The following OR9Q1 variants were observed in gnomAD, a reference collection of about 807,000 sequenced individuals.
OR9Q1 encodes olfactory receptor 9Q1.
For synonymous variants in OR9Q1, 153 were observed against 148.6 expected (o/e 1.03, Z -0.22); for missense variants, 374 against 378.8 (o/e 0.99, Z 0.11).
chr11:58,120,261 C>T (rs185184349), intron 2 of OR9Q1, among the ~76,000 whole-genome samples: 6 of 152,168 alleles, frequency 3.9e-5, no homozygotes, highest in Non-Finnish European at 8.8e-5. Context: ...AGTTAACTAA[C>T]CCCTTTGTGC....
intron 1 of OR9Q1, among the ~76,000 whole-genome samples, chr11:58,042,565 G>A (rs1230311902): frequency 6.6e-6 from 1 of 150,428 alleles, no homozygotes; most frequent in Non-Finnish European, 1.5e-5. Context: ...AGTATAGTTT[G>A]AAGTCAGGTA....
intron 2 of OR9Q1, among the ~76,000 whole-genome samples, chr11:58,096,330 G>T (rs1333433530): frequency 6.6e-6 from 1 of 151,946 alleles, no homozygotes; most frequent in Non-Finnish European, 1.5e-5. Flanking sequence ...AACTATTAAA[G>T]ATTTCTGCAC....
At chr11:58,154,379 ATTTTT>A (rs3085835) in intron 2 of OR9Q1, among the ~76,000 whole-genome samples, 1 of 140,954 alleles carries the variant, frequency 7.1e-6, no homozygotes, top group African/African-American at 2.6e-5. Context: ...AATGCAATGG[ATTTTT>A]TTTTTTTTTT....
At chr11:58,092,418 T>C (rs968211900) in intron 2 of OR9Q1, among the ~76,000 whole-genome samples, 25 of 152,170 alleles carry the variant, frequency 1.6e-4, no homozygotes, top group African/African-American at 5.5e-4. Context: ...AGAATGTTTT[T>C]CATTAATTTT....
chr11:58,075,403 A>G (rs567069292), intron 2 of OR9Q1: 1 of 152,362 alleles, frequency 6.6e-6, no homozygotes, highest in South Asian at 2.1e-4. Flanking sequence ...AGGAGCTGCC[A>G]TGAGCAGCAG....
At chr11:58,074,834 T>G (rs1853524121) in intron 2 of OR9Q1, among the ~76,000 whole-genome samples, 1 of 152,238 alleles carries the variant, frequency 6.6e-6, no homozygotes, top group South Asian at 2.1e-4. Context: ...GGTTAACCAG[T>G]TTTCCCAACA....
intron 2 of OR9Q1, chr11:58,117,765 G>A (rs1323740641): frequency 6.6e-6 from 1 of 152,160 alleles, no homozygotes. Context: ...TCAGAAATGA[G>A]AGAGCTTGAG....
intron 2 of OR9Q1, chr11:58,125,232 AC>A (rs202052034): frequency 1.0e-4 from 6 of 58,486 alleles, no homozygotes; most frequent in East Asian, 8.4e-4. Context: ...TTCCCCCCTT[AC>A]CCACCGCCCC....
intron 2 of OR9Q1, chr11:58,109,013 A>G (rs1205663262): frequency 4.5e-6 from 2 of 440,128 alleles, no homozygotes; most frequent in East Asian, 1.4e-4. Context: ...AGCATGTAGC[A>G]GATCAGGATA....
intron 2 of OR9Q1, among the ~76,000 whole-genome samples, chr11:58,098,156 C>A (rs1052360617): frequency 2.6e-5 from 4 of 152,144 alleles, no homozygotes; most frequent in Non-Finnish European, 4.4e-5. Flanking sequence ...ACTGGCATTT[C>A]TTCCTTAAAT....
At chr11:58,072,049 A>G (rs1267706933) in intron 2 of OR9Q1, among the ~76,000 whole-genome samples, 1 of 152,186 alleles carries the variant, frequency 6.6e-6, no homozygotes, top group Non-Finnish European at 1.5e-5. Context: ...CACATGTACA[A>G]TTGCACTTAA....
intron 1 of OR9Q1, chr11:58,031,827 T>A: frequency 6.2e-7 from 1 of 1,614,136 alleles, no homozygotes; most frequent in South Asian, 1.1e-5. Flanking sequence ...CTCAATCCTC[T>A]CATCTACAGT....
chr11:58,040,499 A>G (rs1853151238), intron 1 of OR9Q1, among the ~76,000 whole-genome samples: 1 of 152,222 alleles, frequency 6.6e-6, no homozygotes, highest in Non-Finnish European at 1.5e-5. Context: ...TGATTCATTC[A>G]TTTACCAATC....
At chr11:58,046,266 A>C (rs534434797) in intron 1 of OR9Q1, among the ~76,000 whole-genome samples, 1 of 144,102 alleles carries the variant, frequency 6.9e-6, no homozygotes, top group South Asian at 2.5e-4. Flanking sequence ...GTTCATAAGC[A>C]ACTTTGTTCC....
intron 2 of OR9Q1, among the ~76,000 whole-genome samples, chr11:58,165,109 A>G (rs1854488776): frequency 6.6e-6 from 1 of 152,160 alleles, no homozygotes; most frequent in Non-Finnish European, 1.5e-5. Flanking sequence ...CTGTCACTCC[A>G]CAAGAATGCA....
At chr11:58,033,949 G>A (rs1204885821) in intron 1 of OR9Q1, among the ~76,000 whole-genome samples, 1 of 152,008 alleles carries the variant, frequency 6.6e-6, no homozygotes, top group East Asian at 1.9e-4. Context: ...TCCACAGTGA[G>A]TGTTCCAGCC....
chr11:58,069,619 A>T (rs1853466905), intron 2 of OR9Q1, among the ~76,000 whole-genome samples: 1 of 152,130 alleles, frequency 6.6e-6, no homozygotes, highest in African/African-American at 2.4e-5. Context: ...CATGCTTATA[A>T]TCCCAGCACT....
chr11:58,154,280 CTT>C (rs1854384143), intron 2 of OR9Q1, among the ~76,000 whole-genome samples: 1 of 152,062 alleles, frequency 6.6e-6, no homozygotes, highest in Non-Finnish European at 1.5e-5. Flanking sequence ...GAACTCTACT[CTT>C]AGCCCAGTGG....
chr11:58,173,177 G>A (rs1854570987), intron 2 of OR9Q1, among the ~76,000 whole-genome samples: 1 of 151,642 alleles, frequency 6.6e-6, no homozygotes, highest in Non-Finnish European at 1.5e-5. Context: ...GGGTACATGT[G>A]CACTATGTGC....
Sources: allele counts gnomAD v4.1 joint callset (sites outside exome capture counted in the v4.1 genomes callset), GRCh38; gene constraint gnomAD v4.1.1; transcripts MANE v1.5; gene names NCBI Gene and HGNC (gene_info 2026-07-23, HGNC 2026-07-21).